DPP6: variants seen among roughly 807,000 people sequenced by gnomAD.
DPP6 encodes the protein A-type potassium channel modulatory protein DPP6.
DPP6 carries 69 observed loss-of-function variants against 122.6 expected under a neutral mutation model. The ratio of observed to expected loss-of-function variants is 0.56; its 90% CI spans 0.46 to 0.69. The LOEUF (loss-of-function observed/expected upper bound fraction) is 0.69, where lower values mean the gene tolerates loss of function less well. Ranked by LOEUF, DPP6 falls within the 30% of genes least tolerant of loss-of-function variation. The pLI, the probability that DPP6 is intolerant of heterozygous loss-of-function variation, is 0.00. For synonymous variants in DPP6, 418 were observed against 433.1 expected (o/e 0.97, Z 0.43); for missense variants, 928 against 1,116.9 (o/e 0.83, Z 2.41).
chr7:154,050,426 T>G (rs1331705917), upstream of DPP6, among the ~76,000 whole-genome samples: 3 of 152,334 alleles, frequency 2.0e-5, no homozygotes, highest in Non-Finnish European at 4.4e-5. Context: ...TATGCATGCA[T>G]ATTTCATAGA....
At chr7:153,904,497 G>C (rs1799767148) in intron 1 of DPP6, among the ~76,000 whole-genome samples, 1 of 152,190 alleles carries the variant, frequency 6.6e-6, no homozygotes, top group Non-Finnish European at 1.5e-5. Context: ...TTATTAAAAG[G>C]CTTGAGGGGG....
upstream of DPP6, among the ~76,000 whole-genome samples, chr7:153,884,987 A>AATACATACATATATATATATATATATAT (rs1209555021): frequency 8.6e-5 from 10 of 116,462 alleles, no homozygotes; most frequent in South Asian, 1.2e-3. Context: ...TCAAAACAAA[A>AATACATACATATATATATATATATATAT]ATATATATAT....
chr7:154,463,203 T>G (rs1442924598), intron 2 of DPP6, among the ~76,000 whole-genome samples: 1 of 87,368 alleles, frequency 1.1e-5, no homozygotes, highest in Non-Finnish European at 2.3e-5. Context: ...TTCTTTTTTT[T>G]TTTTTTTTTT....
At chr7:154,407,691 A>C (rs1816237532) in intron 1 of DPP6, among the ~76,000 whole-genome samples, 1 of 152,238 alleles carries the variant, frequency 6.6e-6, no homozygotes, top group Non-Finnish European at 1.5e-5. Flanking sequence ...AAGAAGACTT[A>C]GACCCTAAGT....
At chr7:154,076,986 A>G (rs1201642990) in intron 1 of DPP6, among the ~76,000 whole-genome samples, 2 of 152,228 alleles carry the variant, frequency 1.3e-5, no homozygotes, top group Non-Finnish European at 2.9e-5. Flanking sequence ...TTCAATACTT[A>G]AAGTTTACCA....
intron 8 of DPP6, among the ~76,000 whole-genome samples, chr7:154,765,590 A>G (rs1342251740): frequency 6.6e-6 from 1 of 152,132 alleles, no homozygotes; most frequent in East Asian, 1.9e-4. Flanking sequence ...TGGCTTCTTC[A>G]AGGTATAGTG....
intron 1 of DPP6, among the ~76,000 whole-genome samples, chr7:154,172,360 C>T (rs1272285975): frequency 6.6e-6 from 1 of 152,170 alleles, no homozygotes; most frequent in East Asian, 1.9e-4. Context: ...GCAAATGTGA[C>T]TTGAGCAGCC....
At chr7:154,025,077 C>A (rs1219571352) in intron 1 of DPP6, among the ~76,000 whole-genome samples, 1 of 152,182 alleles carries the variant, frequency 6.6e-6, no homozygotes, top group Non-Finnish European at 1.5e-5. Flanking sequence ...AGTGTCAATT[C>A]TAGAACTCCT....
intron 1 of DPP6, among the ~76,000 whole-genome samples, chr7:154,335,896 A>T (rs147307626): frequency 6.6e-6 from 1 of 152,128 alleles, no homozygotes; most frequent in African/African-American, 2.4e-5. Flanking sequence ...GGGCGGAGAT[A>T]GAGCATGCTA....
intron 1 of DPP6, among the ~76,000 whole-genome samples, chr7:154,280,404 C>T (rs1216620950): frequency 6.6e-6 from 1 of 152,090 alleles, no homozygotes; most frequent in Non-Finnish European, 1.5e-5. Context: ...AGGCAGCAGA[C>T]CTTGGCTCAT....
At chr7:154,078,495 G>A (rs1803735027) in intron 1 of DPP6, among the ~76,000 whole-genome samples, 1 of 151,998 alleles carries the variant, frequency 6.6e-6, no homozygotes, top group Non-Finnish European at 1.5e-5. Context: ...GAGCAATATG[G>A]GGAGAGAGCC....
At chr7:154,758,278 C>G (rs988195631) in intron 8 of DPP6, among the ~76,000 whole-genome samples, 5 of 152,148 alleles carry the variant, frequency 3.3e-5, no homozygotes, top group Non-Finnish European at 7.3e-5. Context: ...AGAAGGCCCG[C>G]AAGTTCATGG....
chr7:154,207,791 AATAATTTTTT>A (rs1300298709), intron 1 of DPP6, among the ~76,000 whole-genome samples: 1 of 152,170 alleles, frequency 6.6e-6, no homozygotes, highest in African/African-American at 2.4e-5. Flanking sequence ...TTGAAGAAGA[AATAATTTTTT>A]TAACGTAGCC....
At chr7:154,865,685 T>C (rs1803805241) in intron 17 of DPP6, among the ~76,000 whole-genome samples, 1 of 152,148 alleles carries the variant, frequency 6.6e-6, no homozygotes, top group Non-Finnish European at 1.5e-5. Context: ...TGGTTGATAG[T>C]CTGGCCTCAG....
the DPP6 span, among the ~76,000 whole-genome samples, chr7:153,768,633 T>C: frequency 1.6e-3 from 251 of 152,322 alleles, 2 homozygotes; most frequent in Non-Finnish European, 3.0e-3. Flanking sequence ...TAAACACTTA[T>C]GCTTATTGGC....
intron 6 of DPP6, among the ~76,000 whole-genome samples, chr7:154,668,197 TTA>T (rs10668895): frequency 0.079 from 2,897 of 36,472 alleles, 600 homozygotes; most frequent in East Asian, 0.56. Flanking sequence ...TGTGTATATT[TTA>T]TATATATATA....
chr7:153,846,141 C>T, the DPP6 span, among the ~76,000 whole-genome samples: 499 of 152,300 alleles, frequency 3.3e-3, 3 homozygotes, highest in South Asian at 0.011. Context: ...CCCACATCTT[C>T]GTCAACATTT....
intron 5 of DPP6, among the ~76,000 whole-genome samples, chr7:154,582,413 A>G (rs1384776140): frequency 3.9e-5 from 6 of 152,190 alleles, no homozygotes; most frequent in African/African-American, 1.4e-4. Context: ...GTAGAAGAGG[A>G]CAGAATGCTG....
intron 1 of DPP6, among the ~76,000 whole-genome samples, chr7:153,946,364 C>T (rs1801947762): frequency 6.6e-6 from 1 of 152,130 alleles, no homozygotes; most frequent in Non-Finnish European, 1.5e-5. Flanking sequence ...AGTTCCTCCC[C>T]ATCTTAGACC....
Sources: allele counts gnomAD v4.1 joint callset (sites outside exome capture counted in the v4.1 genomes callset), GRCh38; gene constraint gnomAD v4.1.1; transcripts MANE v1.5; gene names NCBI Gene and HGNC (gene_info 2026-07-23, HGNC 2026-07-21).